Variants in COMP observed in about 807,000 individuals in gnomAD.
COMP encodes cartilage oligomeric matrix protein, also known as cartilage oligomeric matrix protein (pseudoachondroplasia, epiphyseal dysplasia 1, multiple).
COMP carries 79 observed loss-of-function variants against 95.8 expected under a neutral mutation model. The ratio of observed to expected loss-of-function variants is 0.82; its 90% CI spans 0.69 to 0.99. The LOEUF is 0.99. Ranked by LOEUF, COMP falls within the 50% of genes least tolerant of loss-of-function variation. COMP has a pLI of 0.00. For missense variants in COMP, 906 were observed against 1,076.1 expected, an observed-to-expected ratio of 0.84 and a Z score of 2.21; for synonymous variants, 438 against 433.9, an observed-to-expected ratio of 1.01 and a Z score of -0.12.
At position 18,788,855 on chromosome 19, in the gene COMP, A is replaced by G. The variant is rs1030626977; in HGVS notation, c.587T>C (p.Val196Ala). Residue 196 changes from valine (V) to alanine (A), a missense_variant, in exon 6 of 19, where the codon GTG becomes GCG. Transcript: ENST00000222271. The surrounding 1 kb of genome is among the most constrained non-coding windows in gnomAD (Gnocchi z 4.7). ...TGQHNCVPNS[V>A]CINTRGSFQC... Reference sequence around the variant, plus strand: ...GGGCCTTACCCGGGTGTTGATGCACACGGAGTTGGGGACGCAGTTATGTTG... The same window carrying G: ...GGGCCTTACCCGGGTGTTGATGCACGCGGAGTTGGGGACGCAGTTATGTTG... The G allele has an allele frequency of 6.2e-7, 1 of 1,613,912 alleles. No individual in the cohort carries two copies. Among genetic ancestry groups the G allele is most frequent in the Non-Finnish European group, 8.5e-7 (1 of 1,179,968 alleles).
chr19:18,784,938 C>T lies in COMP; in HGVS notation c.1872G>A (p.Ala624=), dbSNP rs200802161. Reference sequence around the variant, plus strand: ...GCTCGGCCACAGCACGGAAGGGGTTCGCCTGCCAATACGTTTGCTCCATCT... The same window carrying T: ...GCTCGGCCACAGCACGGAAGGGGTTTGCCTGCCAATACGTTTGCTCCATCT... ...WKQMEQTYWQ[A]NPFRAVAEPG... The change falls in exon 16 of 19, where the codon GCG becomes GCA. Residue 624 remains alanine (A), a synonymous_variant. Coordinates refer to ENST00000222271, the MANE Select transcript of COMP (RefSeq NM_000095.3). The surrounding 1 kb of genome is among the most constrained non-coding windows in gnomAD (Gnocchi z 4.9). 6.8e-5 allele frequency: 109 copies of T among 1,613,850 alleles called. No individual in the cohort carries two copies. The African/African-American group carries it at 1.3e-3, about 19-fold the overall frequency.
intron 12 of COMP, 23 bp downstream of exon 12, chr19:18,786,215 GC>G (rs763141191): frequency 6.2e-7 from 1 of 1,614,110 alleles, no homozygotes; most frequent in Non-Finnish European, 8.5e-7. Flanking sequence ...CTACCCGGAC[GC>G]CCACCCCAGG....
At position 18,789,143 on chromosome 19, in the gene COMP, G is replaced by T; in HGVS notation, c.528+17C>A. 1 of 1,586,996 alleles carries T rather than the reference G, an allele frequency of 6.3e-7. No homozygotes were observed. Among genetic ancestry groups the T allele is most frequent in the South Asian group, 1.2e-5 (1 of 86,928 alleles). On this transcript the variant is annotated intron_variant, in intron 5 of 18. Transcript: ENST00000222271. This position sits in a 1 kb window ranked among gnomAD's most constrained non-coding sequence, Gnocchi z 6.1. ...CCTTCCCTTCTGCTCCAAAAATGGG[G>T]CCCCCACACCTCTCACCTGCTTGTT...
chr19:18,784,155 C>T lies in COMP; in HGVS notation c.2087+36G>A. 2.5e-6 allele frequency: 4 copies of T among 1,611,306 alleles called. No homozygotes were observed. The highest frequency in any genetic ancestry group is 1.1e-5 in the South Asian group (1 of 90,986). On this transcript the variant is annotated intron_variant, in intron 17 of 18. Coordinates refer to ENST00000222271, the MANE Select transcript of COMP (RefSeq NM_000095.3). The surrounding 1 kb of genome is among the most constrained non-coding windows in gnomAD (Gnocchi z 4.9). ...GCACTCCCACCTGGGCCTGTGTGTC[C>T]CCAGCCCAGCCCACCACAGAGGGTG... is the stretch of plus-strand genomic sequence containing the variant.
Position 18,789,115 on chromosome 19 carries a change from C to A in COMP, c.528+45G>T. ...AGTTTACTGGTAAACAAAATGGACGCCCCCTTCCCTTCTGCTCCAAAAATG... is the reference window on the plus strand; with the variant it reads ...AGTTTACTGGTAAACAAAATGGACGACCCCTTCCCTTCTGCTCCAAAAATG... On this transcript the variant is annotated intron_variant, in intron 5 of 18. Transcript: ENST00000222271. This position sits in a 1 kb window ranked among gnomAD's most constrained non-coding sequence, Gnocchi z 6.1. 2 of 1,569,878 alleles carry A rather than the reference C, an allele frequency of 1.3e-6. No individual in the cohort carries two copies. The highest frequency in any genetic ancestry group is 1.7e-6 in the Non-Finnish European group (2 of 1,161,828).
Position 18,788,406 on chromosome 19 carries a change from C to T in COMP, c.867+4G>A, listed in dbSNP as rs775355871. ...CAAGCCCGCCCCGCTCCGCCCCCAC[C>T]CACCTTACGGCACTGGCGCTCCGGG... is the stretch of plus-strand genomic sequence containing the variant. On this transcript the variant is annotated splice_donor_region_variant and intron_variant, in intron 8 of 18. Coordinates refer to ENST00000222271, the MANE Select transcript of COMP (RefSeq NM_000095.3). This position sits in a 1 kb window ranked among gnomAD's most constrained non-coding sequence, Gnocchi z 4.7. 5.0e-6 allele frequency: 8 copies of T among 1,608,414 alleles called. No homozygotes were observed. The highest frequency in any genetic ancestry group is 6.8e-6 in the Non-Finnish European group (8 of 1,178,732).
At chr19:18,791,158 C>G (rs1212805661) in intron 1 of COMP, 33 bp downstream of exon 1, 2 of 1,559,714 alleles carry the variant, frequency 1.3e-6, no homozygotes, top group East Asian at 4.7e-5. Context: ...GTTGTGGGGC[C>G]GTGGGCACGG....
rs1270491284 is a variant in COMP at position 18,790,545 on chromosome 19, C to A, written c.217+17G>T. The A allele has an allele frequency of 6.2e-7, 1 of 1,613,626 alleles. No individual in the cohort carries two copies. Among genetic ancestry groups the A allele is most frequent in the South Asian group, 1.1e-5 (1 of 91,078 alleles). ...TCTCCCGTCTCTTCTCTCTCCCGACCGCCCCGCCGCGCTCACCGCACGCGT... is the reference window on the plus strand; with the variant it reads ...TCTCCCGTCTCTTCTCTCTCCCGACAGCCCCGCCGCGCTCACCGCACGCGT... On this transcript the variant is annotated intron_variant, in intron 3 of 18. Transcript: ENST00000222271.
rs1601060828 is a variant in COMP, at chr19:18,790,870, G to C, written c.145C>G (p.Arg49Gly). Residue 49 changes from arginine to glycine, a missense_variant, in exon 2 of 19, where the codon CGG (arginine) becomes GGG (glycine). Transcript: ENST00000222271. ...CGCACCTGCTGCCGCAGCAGCTCCCGCACGTCCTGCAGCGCCGCGTTGGTT... is the reference window on the plus strand; with the variant it reads ...CGCACCTGCTGCCGCAGCAGCTCCCCCACGTCCTGCAGCGCCGCGTTGGTT... ...QETNAALQDV[R>G]ELLRQQVREI... is the part of the protein sequence containing the mutation. 1 of 1,567,098 alleles carries C rather than the reference G, an allele frequency of 6.4e-7. No homozygotes were observed. Among genetic ancestry groups the C allele is most frequent in the Non-Finnish European group, 8.6e-7 (1 of 1,157,986 alleles).
rs56090467 is a variant in COMP, at chr19:18,784,093, G to A, written c.2087+98C>T. ...CCTGTATCTTTCCTATCGTACAGAT[G>A]AGGGGACCAGGGTCACACAGCCCCT... On this transcript the variant is annotated intron_variant, in intron 17 of 18. Transcript: ENST00000222271. The surrounding 1 kb of genome is among the most constrained non-coding windows in gnomAD (Gnocchi z 4.9). 215,731 of 1,344,022 alleles carry A rather than the reference G, an allele frequency of 0.16. 18,300 individuals are homozygous for A. The highest frequency in any genetic ancestry group is 0.27 in the African/African-American group (18,614 of 69,558). 83.3% of individuals were successfully genotyped at this position (1,344,022 alleles called of 1,614,324 possible). A position where few individuals can be genotyped will look rare whatever the true frequency, so the allele number is the denominator to read the frequency against.
intron 3 of COMP, 108 bp from the exon 4 acceptor site, chr19:18,790,222 C>T (rs993737832): frequency 2.3e-6 from 2 of 860,388 alleles, no homozygotes; most frequent in South Asian, 1.8e-5. Flanking sequence ...TCCCCCCCAC[C>T]CCCCGCCCCG....
rs748433230 is a variant in COMP at position 18,788,469 on chromosome 19, T to C, written c.808A>G (p.Thr270Ala). ...AGNGILCGRD[T>A]DLDGFPDEKL... The stretch of plus-strand genomic sequence containing the variant: ...TCGTCCGGGAAGCCGTCTAGGTCAG[T>C]GTCGCGACCACAGAGGATCCCGTTG... Residue 270 changes from threonine to alanine, a missense_variant, in exon 8 of 19, where the codon ACT (threonine) becomes GCT (alanine). Coordinates refer to ENST00000222271, the MANE Select transcript of COMP (RefSeq NM_000095.3). The surrounding 1 kb of genome is among the most constrained non-coding windows in gnomAD (Gnocchi z 4.7). The C allele has an allele frequency of 1.3e-5, 21 of 1,606,480 alleles. No individual in the cohort carries two copies. The East Asian group carries it at 4.5e-4, about 34-fold the overall frequency.
rs1287282204 is a variant in COMP at position 18,789,590 on chromosome 19, C to T, written c.391-293G>A. ...TCGGGGCGTGCGTGCCCGGCGGTGG[C>T]GGGGGGTCTGGGCGTGCGTTCCCTG... is the stretch of plus-strand genomic sequence containing the variant. On this transcript the variant is annotated intron_variant, in intron 4 of 18. Coordinates refer to ENST00000222271, the MANE Select transcript of COMP (RefSeq NM_000095.3). This position sits in a 1 kb window ranked among gnomAD's most constrained non-coding sequence, Gnocchi z 6.1. Among the ~76,000 whole-genome samples the T allele has an allele frequency of 6.7e-6, 1 of 149,440 alleles. No homozygotes were observed. Among genetic ancestry groups the T allele is most frequent in the Non-Finnish European group, 1.5e-5 (1 of 67,240 alleles).
chr19:18,786,971 C>G, intron 10 of COMP: 1 of 348,670 alleles, frequency 2.9e-6, no homozygotes, highest in South Asian at 2.5e-5. Flanking sequence ...CGGAGTTTCA[C>G]CATGTTGGTC....
rs1271492922 is a variant in COMP at position 18,788,795 on chromosome 19, G to A, written c.603+44C>T. On this transcript the variant is annotated intron_variant, in intron 6 of 18. Transcript: ENST00000222271. This position sits in a 1 kb window ranked among gnomAD's most constrained non-coding sequence, Gnocchi z 4.7. The stretch of plus-strand genomic sequence containing the variant: ...GGTCAGCGCAGGCCGCCCGCCGCTC[G>A]CCCCACCTCCCGCGATCCTTTCTTC... The A allele has an allele frequency of 8.1e-6, 13 of 1,609,346 alleles. No homozygotes were observed. Among genetic ancestry groups the A allele is most frequent in the African/African-American group, 5.3e-5 (4 of 74,998 alleles).
In COMP at chr19:18,791,280, G is replaced by T; in HGVS notation, c.-11C>A. The T allele has an allele frequency of 6.3e-7, 1 of 1,587,096 alleles. No homozygotes were observed. The highest frequency in any genetic ancestry group is 2.3e-5 in the East Asian group (1 of 44,062). On this transcript the variant is annotated 5_prime_UTR_variant, in exon 1 of 19. Transcript: ENST00000222271. ...GGTGTCGGGGACCATGGCGGTGGCG[G>T]GGAGCTGGGTGGCTGCTCGCTTTCT...
In COMP at chr19:18,783,077, G is replaced by C. The variant is rs765401313; in HGVS notation, c.2204C>G (p.Ala735Gly). The C allele has an allele frequency of 6.2e-7, 1 of 1,612,212 alleles. No individual in the cohort carries two copies. The highest frequency in any genetic ancestry group is 1.7e-5 in the Admixed American group (1 of 60,030). Residue 735 changes from alanine to glycine, a missense_variant, in exon 18 of 19, where the codon GCC (alanine) becomes GGC (glycine). Ala to Gly is a moderately conservative substitution (Grantham distance 60). Coordinates refer to ENST00000222271, the MANE Select transcript of COMP (RefSeq NM_000095.3). ...ACCATTGCAGCGGTAACGCAGGTTG[G>C]CCCAGATGATGTTCTCCTGGGAGAA... The part of the protein sequence containing the change: ...FCFSQENIIW[A>G]NLRYRCNDTI...
Position 18,785,954 on chromosome 19 carries a change from C to A in COMP, c.1489+11G>T. The A allele has an allele frequency of 1.9e-6, 3 of 1,592,520 alleles. No homozygotes were observed. The highest frequency in any genetic ancestry group is 2.6e-6 in the Non-Finnish European group (3 of 1,171,836). Reference sequence around the variant, plus strand: ...GCCCCGCCCCCACCGCAGGCCCCGCCCCCGCCGTACTGTCCGCGTCCTCCT... The same window carrying A: ...GCCCCGCCCCCACCGCAGGCCCCGCACCCGCCGTACTGTCCGCGTCCTCCT... On this transcript the variant is annotated intron_variant, in intron 13 of 18. Transcript: ENST00000222271.
At position 18,785,095 on chromosome 19, in the gene COMP, AG is replaced by A. The variant is rs2055155274; in HGVS notation, c.1718-4del. The A allele has an allele frequency of 6.2e-7, 1 of 1,613,656 alleles. No homozygotes were observed. The highest frequency in any genetic ancestry group is 1.3e-5 in the African/African-American group (1 of 74,884). ...CACGCCATTGAAGGCAGTGTAACCTAGGGATGGAAAGAGAGCAGTGGCCTTT... is the reference window on the plus strand; with the variant it reads ...CACGCCATTGAAGGCAGTGTAACCTAGGATGGAAAGAGAGCAGTGGCCTTT... On this transcript the variant is annotated splice_region_variant and splice_polypyrimidine_tract_variant and intron_variant, in intron 15 of 18. Transcript: ENST00000222271.
Sources: gnomAD v4.1 joint callset for allele counts (sites outside exome capture counted in the v4.1 genomes callset) on GRCh38, gnomAD v4.1.1 for gene constraint, Gnocchi (gnomAD v3.1) non-coding constraint, MANE v1.5 for transcripts, NCBI Gene and HGNC (gene_info 2026-07-23, HGNC 2026-07-21) for gene names.